The following DHX32 variants were observed in gnomAD, a reference collection of about 807,000 sequenced individuals.
DHX32 encodes the protein DEAH-box helicase 32 (putative), also known as putative pre-mRNA-splicing factor ATP-dependent RNA helicase DHX32.
DHX32 carries 51 observed loss-of-function variants against 70.0 expected under a neutral mutation model. That is an observed-to-expected ratio of 0.73 (90% CI 0.58 to 0.92). The LOEUF (loss-of-function observed/expected upper bound fraction) is 0.92, where lower values mean the gene tolerates loss of function less well. Among genes scored for constraint, DHX32 ranks in the 40% least tolerant of loss-of-function variants. The pLI is 0.00. For synonymous variants in DHX32, 310 were observed against 315.3 expected, an observed-to-expected ratio of 0.98 and a Z score of 0.18; for missense variants, 762 against 891.8, an observed-to-expected ratio of 0.85 and a Z score of 1.85.
chr10:125,843,758 G>T (rs146043002), intron 6 of DHX32, among the ~76,000 whole-genome samples: 7 of 152,226 alleles, frequency 4.6e-5, no homozygotes, highest in African/African-American at 1.4e-4. Context: ...CTCCAGTCCT[G>T]CTGGAGGACA....
chr10:125,842,043 T>C (rs1257569820), intron 6 of DHX32, 109 bp from the exon 7 acceptor site: 4 of 1,341,150 alleles, frequency 3.0e-6, no homozygotes, highest in African/African-American at 3.0e-5. Flanking sequence ...GGACAAAATA[T>C]GTGAAACAAC....
At chr10:125,864,339 G>A (rs1372536777) in intron 2 of DHX32, among the ~76,000 whole-genome samples, 1 of 152,144 alleles carries the variant, frequency 6.6e-6, no homozygotes, top group Non-Finnish European at 1.5e-5. Context: ...GAAACAACCT[G>A]CAAAACCTGT....
chr10:125,886,119 A>G (rs887763358), upstream of DHX32, among the ~76,000 whole-genome samples: 13 of 152,090 alleles, frequency 8.5e-5, no homozygotes, highest in Admixed American at 3.3e-4. Flanking sequence ...TTCCTCAAAC[A>G]CCATGGCAGA....
Position 125,840,863 on chromosome 10 carries a change from CAG to C in DHX32, c.1675_1676del (p.Leu559GlufsTer3). The C allele has an allele frequency of 6.3e-7, 1 of 1,593,162 alleles. No homozygotes were observed. Among genetic ancestry groups the C allele is most frequent in the Non-Finnish European group, 8.6e-7 (1 of 1,166,658 alleles). ...TTCACTTACACTCACTGCTAGAATT[CAG>C]AGTTGTGTCTTGGTAAGCCTTGTAA... ...SIYKAYQDTT[L>X]NSSSEYCVEK... On this transcript the variant is annotated frameshift_variant, in exon 8 of 11. Coordinates refer to ENST00000284690, the MANE Select transcript of DHX32 (RefSeq NM_018180.3). LOFTEE classifies it high-confidence loss of function.
chr10:125,839,288 C>T, intron 8 of DHX32, 100 bp from the exon 9 acceptor site: 12 of 1,275,186 alleles, frequency 9.4e-6, no homozygotes, highest in Non-Finnish European at 1.3e-5. Context: ...GTGCTCTCCT[C>T]TCCTACAAAG....
At chr10:125,873,524 C>A (rs1944267788) in intron 1 of DHX32, among the ~76,000 whole-genome samples, 1 of 152,070 alleles carries the variant, frequency 6.6e-6, no homozygotes, top group Non-Finnish European at 1.5e-5. Context: ...AATTTCAGTA[C>A]CAGAAAAACA....
intron 6 of DHX32, among the ~76,000 whole-genome samples, chr10:125,846,328 A>G (rs1944020556): frequency 6.6e-6 from 1 of 152,232 alleles, no homozygotes; most frequent in African/African-American, 2.4e-5. Context: ...TGGCAGCCCC[A>G]GAACAACCTA....
intron 4 of DHX32, chr10:125,853,689 AC>A: frequency 2.7e-6 from 1 of 366,494 alleles, no homozygotes; most frequent in Non-Finnish European, 4.9e-6. Context: ...GATGACTATC[AC>A]CTTTATGCTC....
intron 1 of DHX32, among the ~76,000 whole-genome samples, chr10:125,877,515 T>C (rs1023877585): frequency 3.3e-5 from 5 of 152,034 alleles, no homozygotes; most frequent in African/African-American, 7.2e-5. Context: ...TGTGAAACCC[T>C]GACTCTACTA....
chr10:125,864,158 C>A (rs111681929), intron 2 of DHX32, among the ~76,000 whole-genome samples: 2,652 of 152,248 alleles, frequency 0.017, 76 homozygotes, highest in African/African-American at 0.06. Context: ...TGGCCTCTTT[C>A]CTGTGACTCA....
At chr10:125,872,030 T>G (rs1452316753) in intron 1 of DHX32, among the ~76,000 whole-genome samples, 3 of 152,016 alleles carry the variant, frequency 2.0e-5, no homozygotes, top group Non-Finnish European at 1.5e-5. Flanking sequence ...ACCTGGCTAA[T>G]TTTGTATTTT....
At chr10:125,869,698 T>A (rs1345951203) in intron 1 of DHX32, 1 of 152,246 alleles carries the variant, frequency 6.6e-6, no homozygotes, top group Admixed American at 6.5e-5. Flanking sequence ...GGATTACAGA[T>A]GTGAGCCCCT....
At chr10:125,860,479 A>C (rs148350743) in intron 2 of DHX32, among the ~76,000 whole-genome samples, 2,830 of 152,298 alleles carry the variant, frequency 0.019, 33 homozygotes, top group South Asian at 0.033. Flanking sequence ...TTGGTGATTC[A>C]CTGTGAGAGA....
intron 6 of DHX32, 28 bp downstream of exon 6, chr10:125,852,265 C>G (rs1354494442): frequency 1.2e-6 from 2 of 1,608,512 alleles, no homozygotes; most frequent in Non-Finnish European, 1.7e-6. Flanking sequence ...CAGCCTAATG[C>G]CTGGCTGACA....
chr10:125,857,563 C>G (rs1265009841), intron 3 of DHX32, among the ~76,000 whole-genome samples: 1 of 152,190 alleles, frequency 6.6e-6, no homozygotes, highest in African/African-American at 2.4e-5. Context: ...CCTTTCCAGC[C>G]TGCCTTCAGG....
rs921497546 is a variant in DHX32, at chr10:125,838,300, T to C, written c.1969A>G (p.Ile657Val). ...AQLHPLSGYS[I>V]TKKMPEWVLF... ...ACCCACTCTGGCATCTTCTTGGTGA[T>C]TGAGTAACCAGACAGGGGATGCAGC... The change falls in exon 10 of 11, where the codon ATC (isoleucine) becomes GTC (valine). Residue 657 changes from isoleucine to valine, a missense_variant. Ile to Val is a conservative substitution (Grantham distance 29). Coordinates refer to ENST00000284690, the MANE Select transcript of DHX32 (RefSeq NM_018180.3). 1.2e-6 allele frequency: 2 copies of C among 1,614,036 alleles called. No homozygotes were observed. Among genetic ancestry groups the C allele is most frequent in the Non-Finnish European group, 1.7e-6 (2 of 1,179,996 alleles).
chr10:125,881,116 A>G lies in DHX32; in HGVS notation c.-292T>C. ...AAAGAGTAAGGAAAATTAGGAACAC[A>G]TATAAGTTAAAAAGAAAATGCACAG... On this transcript the variant is annotated 5_prime_UTR_variant, in exon 1 of 11. It removes an upstream start codon present in the reference 5' UTR. Coordinates refer to ENST00000284690, the MANE Select transcript of DHX32 (RefSeq NM_018180.3). 1 of 300,804 alleles carries G rather than the reference A, an allele frequency of 3.3e-6. No homozygotes were observed. The highest frequency in any genetic ancestry group is 6.1e-6 in the Non-Finnish European group (1 of 165,244). 18.6% of individuals were successfully genotyped at this position (300,804 alleles called of 1,614,324 possible). A position where few individuals can be genotyped will look rare whatever the true frequency, so the allele number is the denominator to read the frequency against.
intron 6 of DHX32, chr10:125,842,751 T>G: frequency 1.2e-6 from 1 of 868,650 alleles, no homozygotes; most frequent in South Asian, 5.3e-5. Flanking sequence ...ATGCTAGAAA[T>G]AGTAGACAAA....
At chr10:125,860,738 A>C (rs1385814357) in intron 2 of DHX32, among the ~76,000 whole-genome samples, 1 of 149,710 alleles carries the variant, frequency 6.7e-6, no homozygotes. Context: ...TTACTGCTTG[A>C]AGAAACCAAT....
Sources: gnomAD v4.1 joint callset for allele counts (sites outside exome capture counted in the v4.1 genomes callset) on GRCh38, gnomAD v4.1.1 for gene constraint, MANE v1.5 for transcripts, NCBI Gene and HGNC (gene_info 2026-07-23, HGNC 2026-07-21) for gene names.